Variants in ZNF487 observed in about 807,000 individuals in gnomAD.
ZNF487 encodes the protein zinc finger protein 487.
In ZNF487, 4 loss-of-function variants were observed where a neutral mutation model predicts 3.0. The ratio of observed to expected loss-of-function variants is 1.35; its 90% CI spans 0.66 to 3.08. The LOEUF (loss-of-function observed/expected upper bound fraction) is 3.08. Ranked by LOEUF, ZNF487 falls within the 30% of genes most tolerant of loss-of-function variation. The pLI is 0.01. For missense variants in ZNF487, 146 were observed against 98.7 expected (o/e 1.48, Z -2.03); for synonymous variants, 55 against 34.6 (o/e 1.59, Z -2.06).
chr10:43,522,017 T>A, the ZNF487 span, among the ~76,000 whole-genome samples: 1 of 152,268 alleles, frequency 6.6e-6, no homozygotes, highest in East Asian at 1.9e-4. Context: ...TAATGACAAC[T>A]GTGGTAAAAG....
In ZNF487 at chr10:43,476,064, C is replaced by T. The variant is rs72787460; in HGVS notation, c.35-43C>T. ...TTTGTGCAGGCACACCTTTGTCCTC[C>T]GCAGGCTATCTGGCCCACGTCCTGT... On this transcript the variant is annotated intron_variant, in intron 2 of 3. Coordinates refer to ENST00000437590, the MANE Select transcript of ZNF487 (RefSeq NM_001355444.3). 4,431 of 713,038 alleles carry T rather than the reference C, an allele frequency of 6.2e-3. 28 individuals are homozygous for T. Among genetic ancestry groups the T allele is most frequent in the Non-Finnish European group, 7.8e-3 (2,975 of 383,620 alleles). 44.2% of individuals were successfully genotyped at this position (713,038 alleles called of 1,614,324 possible). A position where few individuals can be genotyped will look rare whatever the true frequency, so the allele number is the denominator to read the frequency against.
At chr10:43,506,056 T>C in the ZNF487 span, among the ~76,000 whole-genome samples, 7 of 152,258 alleles carry the variant, frequency 4.6e-5, no homozygotes, top group African/African-American at 1.7e-4. Flanking sequence ...CTTTTCCTTT[T>C]CATTTGGATT....
chr10:43,462,092 T>C (rs1329357070), intron 1 of ZNF487, among the ~76,000 whole-genome samples: 1 of 152,196 alleles, frequency 6.6e-6, no homozygotes, highest in Non-Finnish European at 1.5e-5. Flanking sequence ...AGTGGTGAAA[T>C]CTTCAGTCTT....
chr10:43,493,705 AAAAAATATATATATATAT>A, the ZNF487 span, among the ~76,000 whole-genome samples: 4 of 73,218 alleles, frequency 5.5e-5, no homozygotes, highest in Non-Finnish European at 7.7e-5. Flanking sequence ...GAAAAAAAAA[AAAAAATATATATATATAT>A]ATATATATAT....
the ZNF487 span, among the ~76,000 whole-genome samples, chr10:43,516,513 A>T: frequency 6.6e-6 from 1 of 152,156 alleles, no homozygotes; most frequent in Non-Finnish European, 1.5e-5. Context: ...AGAGGGGTTT[A>T]TTAAGTCTTA....
downstream of ZNF487, among the ~76,000 whole-genome samples, chr10:43,486,013 G>A (rs1321222664): frequency 3.9e-5 from 6 of 152,260 alleles, no homozygotes; most frequent in African/African-American, 1.4e-4. Context: ...ACCAGAAGAG[G>A]TAAAGGAACT....
chr10:43,452,711 G>A (rs1840051095), intron 1 of ZNF487: 1 of 152,044 alleles, frequency 6.6e-6, no homozygotes, highest in Non-Finnish European at 1.5e-5. Flanking sequence ...TCCCCAGAAA[G>A]CCTCATGTGA....
chr10:43,440,052 A>ATTTT (rs147487158), intron 1 of ZNF487, among the ~76,000 whole-genome samples: 84 of 146,116 alleles, frequency 5.7e-4, no homozygotes, highest in East Asian at 2.8e-3. Context: ...ATATATATAT[A>ATTTT]TATTTTTTTT....
intron 1 of ZNF487, among the ~76,000 whole-genome samples, chr10:43,460,414 C>T (rs1840389874): frequency 2.4e-5 from 3 of 126,836 alleles, no homozygotes; most frequent in Non-Finnish European, 3.2e-5. Flanking sequence ...ACCAAGTTGT[C>T]GCCCAGGCTG....
the ZNF487 span, among the ~76,000 whole-genome samples, chr10:43,499,699 G>A: frequency 1.3e-5 from 2 of 152,002 alleles, no homozygotes; most frequent in East Asian, 1.9e-4. Flanking sequence ...CGCAGTGAGC[G>A]GAGGTTGCAC....
At chr10:43,444,008 A>G (rs1456401153) in intron 1 of ZNF487, among the ~76,000 whole-genome samples, 1 of 151,658 alleles carries the variant, frequency 6.6e-6, no homozygotes, top group East Asian at 1.9e-4. Flanking sequence ...GTGCACCACC[A>G]CACCTGGCTA....
chr10:43,479,656 A>C (rs867486480), intron 3 of ZNF487, among the ~76,000 whole-genome samples: 1 of 151,672 alleles, frequency 6.6e-6, no homozygotes, highest in South Asian at 2.1e-4. Flanking sequence ...TTATTTATTC[A>C]TTTCATTTTG....
the ZNF487 span, among the ~76,000 whole-genome samples, chr10:43,511,257 G>C: frequency 6.6e-6 from 1 of 152,198 alleles, no homozygotes; most frequent in African/African-American, 2.4e-5. Flanking sequence ...CAATCCAGCT[G>C]CTTCAGGATG....
At position 43,437,118 on chromosome 10, in the gene ZNF487, G is replaced by C. The variant is rs375600268; in HGVS notation, c.-238G>C. ...CCCTCGGCGGCCCCGCCCAGGGAGC[G>C]CTGCGGCAGTTTCCATGGTGAGATG... On this transcript the variant is annotated 5_prime_UTR_variant, in exon 1 of 4. Coordinates refer to ENST00000437590, the MANE Select transcript of ZNF487 (RefSeq NM_001355444.3). 40 of 302,044 alleles carry C rather than the reference G, an allele frequency of 1.3e-4. No homozygotes were observed. The highest frequency in any genetic ancestry group is 4.5e-4 in the African/African-American group (19 of 42,368). The allele number at this position is 302,044 out of a possible 1,614,324, so 18.7% of individuals were successfully genotyped here.
At chr10:43,484,153 G>A (rs553246130), downstream of ZNF487, among the ~76,000 whole-genome samples, 1 of 152,230 alleles carries the variant, frequency 6.6e-6, no homozygotes, top group South Asian at 2.1e-4. Context: ...ACAGGCATGA[G>A]CCACCACACC....
intron 1 of ZNF487, among the ~76,000 whole-genome samples, chr10:43,439,441 G>A (rs1399691069): frequency 2.0e-5 from 3 of 152,008 alleles, no homozygotes; most frequent in Non-Finnish European, 2.9e-5. Flanking sequence ...GGTGGCTAAC[G>A]CCTGTAATCC....
chr10:43,451,941 AAG>A (rs996949268), intron 1 of ZNF487: 4 of 152,244 alleles, frequency 2.6e-5, no homozygotes, highest in African/African-American at 9.7e-5. Context: ...GGACAACTAG[AAG>A]AGAGTTCCTA....
chr10:43,445,753 AAT>A (rs979836821), intron 1 of ZNF487, among the ~76,000 whole-genome samples: 6 of 151,830 alleles, frequency 4.0e-5, no homozygotes, highest in African/African-American at 1.2e-4. Context: ...GTCATAGGAC[AAT>A]AGAGGAGAGA....
chr10:43,488,135 T>C (rs1588751753), downstream of ZNF487, among the ~76,000 whole-genome samples: 2 of 151,854 alleles, frequency 1.3e-5, no homozygotes, highest in South Asian at 4.2e-4. Flanking sequence ...ATTACATCCT[T>C]AATTGTGAGC....
Sources: allele counts gnomAD v4.1 joint callset (sites outside exome capture counted in the v4.1 genomes callset), GRCh38; gene constraint gnomAD v4.1.1; transcripts MANE v1.5; gene names NCBI Gene and HGNC (gene_info 2026-07-23, HGNC 2026-07-21).